The following MON2 variants were observed in gnomAD, a reference collection of about 807,000 sequenced individuals.
MON2 encodes the protein MON2 regulator of endosome-to-Golgi trafficking, also known as protein MON2 homolog.
MON2 carries 84 observed loss-of-function variants against 208.6 expected under a neutral mutation model. The observed-to-expected ratio is 0.40, with a 90% CI of 0.34 to 0.48. MON2 has a LOEUF of 0.48. MON2 is among the 20% of genes least tolerant of loss of function. The pLI is 0.59. For synonymous variants in MON2, 660 were observed against 694.0 expected (o/e 0.95, Z 0.77); for missense variants, 1,611 against 2,015.4 (o/e 0.80, Z 3.84).
intron 1 of MON2, among the ~76,000 whole-genome samples, chr12:62,479,370 T>C (rs2069264955): frequency 6.6e-6 from 1 of 151,446 alleles, no homozygotes; most frequent in African/African-American, 2.4e-5. Context: ...CCTAATACAG[T>C]GTAAATGCTA....
chr12:62,589,197 G>A (rs1053204248), intron 34 of MON2, among the ~76,000 whole-genome samples: 1 of 152,174 alleles, frequency 6.6e-6, no homozygotes, highest in African/African-American at 2.4e-5. Context: ...AATCAGATGT[G>A]TCACTAAACA....
intron 14 of MON2, among the ~76,000 whole-genome samples, chr12:62,536,694 G>GTTT (rs796857487): frequency 5.0e-5 from 7 of 140,086 alleles, no homozygotes; most frequent in African/African-American, 1.8e-4. Flanking sequence ...GTGTTTTTTT[G>GTTT]TTTTTTTTTT....
intron 24 of MON2, among the ~76,000 whole-genome samples, chr12:62,554,677 T>C (rs2073891533): frequency 6.6e-6 from 1 of 152,058 alleles, no homozygotes; most frequent in Non-Finnish European, 1.5e-5. Context: ...AAAATTTTTT[T>C]TGTAGAGATA....
intron 32 of MON2, 90 bp from the exon 33 acceptor site, chr12:62,585,204 T>A (rs955675279): frequency 2.0e-6 from 2 of 985,072 alleles, no homozygotes; most frequent in African/African-American, 3.3e-5. Flanking sequence ...ATTGAGGAAT[T>A]TCTCTCTATT....
intron 16 of MON2, 57 bp from the exon 17 acceptor site, chr12:62,538,039 T>G: frequency 6.8e-7 from 1 of 1,466,616 alleles, no homozygotes. Context: ...ATTTTAGTTA[T>G]TGGACCTTTT....
chr12:62,548,081 T>G lies in MON2; in HGVS notation c.2753+1009T>G, dbSNP rs2073574873. ...GATCTTATATGGTTATATAAATGAT[T>G]TGAATTTATCCAAAATTCATGTGGG... On this transcript the variant is annotated intron_variant, in intron 22 of 34. Coordinates refer to ENST00000393630, the MANE Select transcript of MON2 (RefSeq NM_015026.3). Among the ~76,000 whole-genome samples, 2 of 152,220 alleles carry G rather than the reference T, an allele frequency of 1.3e-5. 1 individual carries two copies. Among genetic ancestry groups the G allele is most frequent in the Admixed American group, 1.3e-4 (2 of 15,284 alleles).
intron 6 of MON2, 63 bp downstream of exon 6, chr12:62,500,943 G>T: frequency 2.0e-6 from 2 of 1,017,058 alleles, no homozygotes; most frequent in South Asian, 1.8e-5. Flanking sequence ...TTTTTTAGTT[G>T]GGGATTTTAT....
chr12:62,568,222 A>G (rs2074454730), intron 29 of MON2, among the ~76,000 whole-genome samples: 1 of 152,246 alleles, frequency 6.6e-6, no homozygotes, highest in Non-Finnish European at 1.5e-5. Context: ...AATTTAGTTC[A>G]GAACCTGGGA....
chr12:62,546,947 T>C lies in MON2; in HGVS notation c.2628T>C (p.Asn876=), dbSNP rs771276071. ...LNPLKEMSNI[N]HPDIRLKQLE... is the part of the protein sequence containing the mutation. ...CGTTAAAGGAGATGTCCAATATTAA[T>C]CATCCAGATATTCGACTCAAGCAGT... is the stretch of plus-strand genomic sequence containing the variant. The change falls in exon 22 of 35, where the codon AAT becomes AAC. Residue 876 remains asparagine (N), a synonymous_variant. Coordinates refer to ENST00000393630, the MANE Select transcript of MON2 (RefSeq NM_015026.3). The C allele has an allele frequency of 6.8e-6, 11 of 1,613,096 alleles. No homozygotes were observed. Among genetic ancestry groups the C allele is most frequent in the Non-Finnish European group, 8.5e-6 (10 of 1,179,432 alleles).
At chr12:62,502,316 G>A (rs2070880951) in intron 7 of MON2, among the ~76,000 whole-genome samples, 3 of 151,662 alleles carry the variant, frequency 2.0e-5, no homozygotes, top group Non-Finnish European at 4.4e-5. Context: ...CAGGAGAATC[G>A]CTTGTGCCCA....
Position 62,526,094 on chromosome 12 carries a change from A to G in MON2, c.1392A>G (p.Lys464=). 6.2e-7 allele frequency: 1 copy of G among 1,613,492 alleles called. No individual in the cohort carries two copies. The highest frequency in any genetic ancestry group is 8.5e-7 in the Non-Finnish European group (1 of 1,179,498). The change falls in exon 11 of 35, where the codon AAA becomes AAG. Residue 464 remains lysine, a synonymous_variant. Transcript: ENST00000393630. Reference sequence around the variant, plus strand: ...CAATCACAGTTCAAGGCAGTGCTAAAGCCACCTAGTAAGTAGTAGCAGCAT... The same window carrying G: ...CAATCACAGTTCAAGGCAGTGCTAAGGCCACCTAGTAAGTAGTAGCAGCAT... ...ILTITVQGSA[K]ATYLEMLDKV... is the part of the protein sequence containing the mutation.
rs1425584157 is a variant in MON2, at chr12:62,500,841, C to T, written c.624C>T (p.Thr208=). The change falls in exon 6 of 35, where the codon ACC becomes ACT. Residue 208 remains threonine (T), a synonymous_variant. Coordinates refer to ENST00000393630, the MANE Select transcript of MON2 (RefSeq NM_015026.3). ...ATAGTAACAGAAGATCTGTCAGTAC[C>T]CTCAAACCTTGTGCTAAAGATGCAT... The part of the protein sequence containing the change: ...QGNSNRRSVS[T]LKPCAKDAYM... The T allele has an allele frequency of 1.3e-6, 2 of 1,590,722 alleles. No individual in the cohort carries two copies. Among genetic ancestry groups the T allele is most frequent in the South Asian group, 2.3e-5 (2 of 86,236 alleles).
Position 62,524,370 on chromosome 12 carries a change from G to C in MON2, c.985-145G>C. 8.3e-6 allele frequency: 5 copies of C among 601,250 alleles called. No homozygotes were observed. The East Asian group carries it at 8.3e-5, about 10-fold the overall frequency. The allele number at this position is 601,250 out of a possible 1,614,324, so 37.2% of individuals were successfully genotyped here. ...ATGTATAACTACATTTCCTTTCTCT[G>C]TTTCTCCACTCCCCATTAAGAGTTT... On this transcript the variant is annotated intron_variant, in intron 8 of 34. Coordinates refer to ENST00000393630, the MANE Select transcript of MON2 (RefSeq NM_015026.3).
At chr12:62,489,915 T>C in intron 2 of MON2, 1 of 411,548 alleles carries the variant, frequency 2.4e-6, no homozygotes, top group Non-Finnish European at 3.9e-6. Flanking sequence ...AGTCACATTT[T>C]CTTTCATAAG....
chr12:62,527,077 G>T (rs768196915), intron 11 of MON2, among the ~76,000 whole-genome samples: 1 of 152,174 alleles, frequency 6.6e-6, no homozygotes, highest in Non-Finnish European at 1.5e-5. Context: ...AGTGAGCTGA[G>T]ATCATGTCAC....
chr12:62,537,541 A>G, intron 15 of MON2, 61 bp from the exon 16 acceptor site: 1 of 1,286,450 alleles, frequency 7.8e-7, no homozygotes, highest in African/African-American at 1.5e-5. Context: ...GCTACTTTAT[A>G]AGCTTTTAAT....
intron 24 of MON2, among the ~76,000 whole-genome samples, chr12:62,555,418 A>T (rs1341500553): frequency 6.6e-6 from 1 of 151,954 alleles, no homozygotes; most frequent in Admixed American, 6.6e-5. Flanking sequence ...TCCTGGGCTC[A>T]AGCAATCTGC....
At chr12:62,566,585 C>A in intron 29 of MON2, 135 bp downstream of exon 29, 1 of 936,582 alleles carries the variant, frequency 1.1e-6, no homozygotes, top group Non-Finnish European at 1.5e-6. Flanking sequence ...TGACTTTTCT[C>A]CAATATTCAT....
chr12:62,473,922 C>G (rs1439954789), intron 1 of MON2, among the ~76,000 whole-genome samples: 1 of 151,962 alleles, frequency 6.6e-6, no homozygotes, highest in Admixed American at 6.6e-5. Flanking sequence ...CAGATCCTTC[C>G]TTTCTCCATG....
Sources: gnomAD v4.1 joint callset for allele counts (sites outside exome capture counted in the v4.1 genomes callset) on GRCh38, gnomAD v4.1.1 for gene constraint, MANE v1.5 for transcripts, NCBI Gene and HGNC (gene_info 2026-07-23, HGNC 2026-07-21) for gene names.